The following DAB1 variants were observed in gnomAD, a reference collection of about 807,000 sequenced individuals.
DAB1 encodes disabled homolog 1.
In DAB1, 15 loss-of-function variants were observed where a neutral mutation model predicts 64.6. The ratio of observed to expected loss-of-function variants is 0.23; its 90% confidence interval spans 0.16 to 0.36. The LOEUF (loss-of-function observed/expected upper bound fraction) is 0.36, where lower values mean the gene tolerates loss of function less well. DAB1 is among the 10% of genes least tolerant of loss of function. The probability of loss-of-function intolerance (pLI) is 1.00; values close to 1 mark genes in which losing one functional copy is unlikely to be tolerated. For synonymous variants in DAB1, 235 were observed against 251.9 expected (o/e 0.93, Z 0.64); for missense variants, 596 against 706.7 (o/e 0.84, Z 1.78).
chr1:57,023,082 C>G (rs894125049), intron 11 of DAB1, among the ~76,000 whole-genome samples: 1 of 152,262 alleles, frequency 6.6e-6, no homozygotes, highest in African/African-American at 2.4e-5. Flanking sequence ...GTGCTCCCCA[C>G]TTTGTCTGGG....
intron 2 of DAB1, among the ~76,000 whole-genome samples, chr1:57,219,872 C>T (rs1238734368): frequency 2.6e-5 from 4 of 152,120 alleles, no homozygotes; most frequent in African/African-American, 4.8e-5. Flanking sequence ...CATTGAGAGA[C>T]CCCTGAGCAG....
chr1:57,451,674 G>C (rs1051611877), intron 7 of DAB1, among the ~76,000 whole-genome samples: 1 of 152,168 alleles, frequency 6.6e-6, no homozygotes, highest in Non-Finnish European at 1.5e-5. Context: ...AGAGAGTTCA[G>C]TCTTAATTCA....
chr1:57,329,634 C>T (rs1452298564), intron 1 of DAB1, among the ~76,000 whole-genome samples: 1 of 140,662 alleles, frequency 7.1e-6, no homozygotes, highest in Non-Finnish European at 1.5e-5. Flanking sequence ...CAGAATGTTC[C>T]AGGATGGTCT....
chr1:58,478,903 T>C (rs995701793), intron 3 of DAB1, among the ~76,000 whole-genome samples: 6 of 152,348 alleles, frequency 3.9e-5, no homozygotes, highest in African/African-American at 1.4e-4. Context: ...GTGTAGAACA[T>C]ACAGCTTATT....
At chr1:57,941,007 T>C (rs888054483) in intron 5 of DAB1, among the ~76,000 whole-genome samples, 1 of 152,198 alleles carries the variant, frequency 6.6e-6, no homozygotes, top group African/African-American at 2.4e-5. Context: ...AGTGAGCATC[T>C]GATTATAGTG....
At chr1:58,104,727 A>G (rs1385794638) in intron 5 of DAB1, among the ~76,000 whole-genome samples, 1 of 152,220 alleles carries the variant, frequency 6.6e-6, no homozygotes, top group East Asian at 1.9e-4. Context: ...AAACATTTGT[A>G]TGCACATTAA....
At chr1:58,348,703 T>G (rs1206514762) in intron 3 of DAB1, among the ~76,000 whole-genome samples, 1 of 152,184 alleles carries the variant, frequency 6.6e-6, no homozygotes, top group Non-Finnish European at 1.5e-5. Context: ...TTATGTGATT[T>G]TATACTGACT....
chr1:57,947,897 G>T (rs1052640869), intron 5 of DAB1, among the ~76,000 whole-genome samples: 2 of 152,212 alleles, frequency 1.3e-5, no homozygotes, highest in South Asian at 4.1e-4. Flanking sequence ...ATAAACCGTG[G>T]TCTCCTTCTG....
At chr1:57,854,070 C>T (rs974137219) in intron 1 of DAB1, among the ~76,000 whole-genome samples, 1 of 152,026 alleles carries the variant, frequency 6.6e-6, no homozygotes, top group Admixed American at 6.5e-5. Context: ...CAAAAATAGA[C>T]TGTTCTTTTG....
chr1:57,427,476 G>A (rs1685333909), upstream of DAB1, among the ~76,000 whole-genome samples: 1 of 152,294 alleles, frequency 6.6e-6, no homozygotes, highest in Non-Finnish European at 1.5e-5. Context: ...CAAAGGAGCA[G>A]CCTATGTAAG....
intron 5 of DAB1, among the ~76,000 whole-genome samples, chr1:58,117,637 A>G (rs1254421826): frequency 6.6e-6 from 1 of 152,212 alleles, no homozygotes; most frequent in Non-Finnish European, 1.5e-5. Context: ...TCAATGAAGC[A>G]TCAACATATT....
At chr1:58,413,765 AC>A (rs1029968817) in intron 3 of DAB1, among the ~76,000 whole-genome samples, 1 of 152,068 alleles carries the variant, frequency 6.6e-6, no homozygotes, top group Admixed American at 6.5e-5. Context: ...GAATGGAAAC[AC>A]CCCCTAAACA....
intron 6 of DAB1, among the ~76,000 whole-genome samples, chr1:57,740,947 G>T (rs1173785779): frequency 5.9e-5 from 9 of 152,150 alleles, no homozygotes; most frequent in Non-Finnish European, 1.3e-4. Context: ...TGGAGGAGGG[G>T]ACACTTAAGC....
chr1:58,221,751 T>A (rs772768585), intron 4 of DAB1, among the ~76,000 whole-genome samples: 1 of 152,192 alleles, frequency 6.6e-6, no homozygotes, highest in Non-Finnish European at 1.5e-5. Context: ...AAATGCAACA[T>A]GGCATCACCA....
At chr1:57,578,017 C>T (rs1318737518) in intron 7 of DAB1, among the ~76,000 whole-genome samples, 1 of 152,172 alleles carries the variant, frequency 6.6e-6, no homozygotes. Flanking sequence ...ACCTCCACTG[C>T]CACCACCAGG....
At chr1:57,292,773 C>T (rs1309138649) in intron 1 of DAB1, among the ~76,000 whole-genome samples, 1 of 152,072 alleles carries the variant, frequency 6.6e-6, no homozygotes, top group Non-Finnish European at 1.5e-5. Flanking sequence ...AGGGTTGTTT[C>T]CTGTCCTCCA....
intron 4 of DAB1, among the ~76,000 whole-genome samples, chr1:58,290,071 G>A (rs533801025): frequency 6.6e-6 from 1 of 152,166 alleles, no homozygotes; most frequent in Non-Finnish European, 1.5e-5. Context: ...GCACTGACTT[G>A]GCGACATGTA....
At chr1:57,368,817 G>C (rs1680267839) in intron 1 of DAB1, among the ~76,000 whole-genome samples, 1 of 152,082 alleles carries the variant, frequency 6.6e-6, no homozygotes, top group Non-Finnish European at 1.5e-5. Flanking sequence ...CAGACAGAAA[G>C]GCGACACCTC....
chr1:57,322,951 C>A (rs919851160), intron 1 of DAB1, among the ~76,000 whole-genome samples: 2 of 152,156 alleles, frequency 1.3e-5, no homozygotes, highest in African/African-American at 4.8e-5. Flanking sequence ...AATGCTAGAT[C>A]AGCTCAAGGG....
Sources: gnomAD v4.1 joint callset for allele counts (sites outside exome capture counted in the v4.1 genomes callset) on GRCh38, gnomAD v4.1.1 for gene constraint, MANE v1.5 for transcripts, NCBI Gene and HGNC (gene_info 2026-07-23, HGNC 2026-07-21) for gene names.